Variants in NR6A1 observed in about 807,000 individuals in gnomAD.
NR6A1 encodes the protein retinoic acid receptor-related testis-associated receptor.
Under a neutral mutation model 59.1 loss-of-function variants are expected in NR6A1, and 7 were observed. The observed-to-expected ratio is 0.12, with a 90% CI of 0.07 to 0.22. The LOEUF is 0.22. NR6A1 is among the 10% of genes least tolerant of loss of function. The pLI is 1.00. For synonymous variants in NR6A1, 243 were observed against 236.1 expected, an observed-to-expected ratio of 1.03 and a Z score of -0.27; for missense variants, 468 against 611.6, an observed-to-expected ratio of 0.77 and a Z score of 2.48.
chr9:124,618,769 C>A (rs1198725597), intron 2 of NR6A1, among the ~76,000 whole-genome samples: 11 of 152,324 alleles, frequency 7.2e-5, no homozygotes, highest in Admixed American at 3.3e-4. Flanking sequence ...GATATGCTAA[C>A]TTCTCCCTGG....
At chr9:124,689,720 T>C (rs1003169198) in intron 2 of NR6A1, among the ~76,000 whole-genome samples, 1 of 152,224 alleles carries the variant, frequency 6.6e-6, no homozygotes, top group African/African-American at 2.4e-5. Context: ...GGTTTTCCAT[T>C]GGAATTAGCC....
At chr9:124,588,370 C>T (rs1466423240) in intron 2 of NR6A1, among the ~76,000 whole-genome samples, 1 of 151,370 alleles carries the variant, frequency 6.6e-6, no homozygotes, top group Non-Finnish European at 1.5e-5. Flanking sequence ...TACAGTGGCG[C>T]GATCTCCACT....
At chr9:124,570,332 C>A (rs934202625) in intron 2 of NR6A1, among the ~76,000 whole-genome samples, 1 of 152,150 alleles carries the variant, frequency 6.6e-6, no homozygotes, top group Non-Finnish European at 1.5e-5. Context: ...GTCCTTAAAC[C>A]TTGGCAAAAT....
At chr9:124,526,966 A>G in intron 7 of NR6A1, 66 bp from the exon 8 acceptor site, 4 of 1,594,128 alleles carry the variant, frequency 2.5e-6, no homozygotes, top group Non-Finnish European at 3.4e-6. Flanking sequence ...AAGGGCAGCC[A>G]GAGAGCTCCT....
In NR6A1 at chr9:124,638,108, G is replaced by C. The variant is rs572478168; in HGVS notation, c.143-83538C>G. ...ACAAAAAATTAAAATTTAAAAATTA[G>C]CTGGGTGTGGTGGCTTGTGTACCTG... On this transcript the variant is annotated intron_variant, in intron 2 of 9. Transcript: ENST00000487099. Among the ~76,000 whole-genome samples the C allele has an allele frequency of 7.2e-5, 11 of 151,746 alleles. No homozygotes were observed. The South Asian group carries it at 2.3e-3, about 32-fold the overall frequency.
At chr9:124,721,940 C>T (rs1839575907) in intron 2 of NR6A1, among the ~76,000 whole-genome samples, 1 of 152,168 alleles carries the variant, frequency 6.6e-6, no homozygotes, top group African/African-American at 2.4e-5. Flanking sequence ...CTTCAGGCCT[C>T]ATAGTTCTCA....
intron 3 of NR6A1, 125 bp downstream of exon 3, chr9:124,554,203 T>A: frequency 7.0e-7 from 1 of 1,430,332 alleles, no homozygotes; most frequent in Non-Finnish European, 9.5e-7. Flanking sequence ...TCATTTTTGG[T>A]TATGAGTACA....
Position 124,771,179 on chromosome 9 carries a change from G to T in NR6A1, c.-60C>A, listed in dbSNP as rs1588871897. On this transcript the variant is annotated 5_prime_UTR_variant, in exon 1 of 10. Transcript: ENST00000487099. ...CTCCGCCATGACCGGCGCCCTAGTCGCCGTGGTCGTCGTCCGCCGAGGGGA... is the reference window on the plus strand; with the variant it reads ...CTCCGCCATGACCGGCGCCCTAGTCTCCGTGGTCGTCGTCCGCCGAGGGGA... 1.1e-5 allele frequency: 11 copies of T among 991,130 alleles called. No individual in the cohort carries two copies. The highest frequency in any genetic ancestry group is 1.0e-4 in the African/African-American group (6 of 59,974). 61.4% of individuals were successfully genotyped at this position (991,130 alleles called of 1,614,324 possible). A position where few individuals can be genotyped will look rare whatever the true frequency, so the allele number is the denominator to read the frequency against.
intron 2 of NR6A1, among the ~76,000 whole-genome samples, chr9:124,686,720 T>G (rs914946391): frequency 4.0e-5 from 6 of 151,094 alleles, no homozygotes; most frequent in African/African-American, 7.4e-5. Context: ...TTTTTTTTTT[T>G]TGTGACAGGG....
intron 3 of NR6A1, among the ~76,000 whole-genome samples, chr9:124,551,542 T>C (rs1564175340): frequency 6.6e-6 from 1 of 152,216 alleles, no homozygotes; most frequent in South Asian, 2.1e-4. Context: ...TTTTACAAAC[T>C]AGAGTGCTTT....
chr9:124,754,742 G>A (rs1432216424), intron 1 of NR6A1, among the ~76,000 whole-genome samples: 1 of 152,148 alleles, frequency 6.6e-6, no homozygotes, highest in Non-Finnish European at 1.5e-5. Flanking sequence ...CAATGACTTG[G>A]ATTGTGGTAA....
intron 1 of NR6A1, among the ~76,000 whole-genome samples, chr9:124,751,754 A>G (rs148305018): frequency 2.1e-3 from 324 of 152,358 alleles, no homozygotes; most frequent in African/African-American, 7.3e-3. Flanking sequence ...GACAAAGTAC[A>G]ATAAATTAGA....
chr9:124,528,779 A>C (rs768190043), intron 7 of NR6A1, among the ~76,000 whole-genome samples: 1 of 152,028 alleles, frequency 6.6e-6, no homozygotes, highest in Non-Finnish European at 1.5e-5. Flanking sequence ...GAAAAAAAAC[A>C]ACCTCCCCCA....
intron 2 of NR6A1, among the ~76,000 whole-genome samples, chr9:124,730,444 GTCTCAAACTCCTGA>G: frequency 6.6e-6 from 1 of 151,718 alleles, no homozygotes; most frequent in South Asian, 2.1e-4. Flanking sequence ...GCCCAGGCTG[GTCTCAAACTCCTGA>G]TCCTGGGCTC....
intron 2 of NR6A1, among the ~76,000 whole-genome samples, chr9:124,659,217 CCAGA>C (rs753299582): frequency 3.7e-4 from 56 of 152,098 alleles, no homozygotes; most frequent in Non-Finnish European, 6.9e-4. Context: ...CGAGCCAAAA[CCAGA>C]CAGTCCTGGC....
At chr9:124,647,386 G>C (rs1836959480) in intron 2 of NR6A1, among the ~76,000 whole-genome samples, 1 of 152,068 alleles carries the variant, frequency 6.6e-6, no homozygotes, top group Non-Finnish European at 1.5e-5. Flanking sequence ...CCAATAACTT[G>C]GAAAATCTAA....
In NR6A1 at chr9:124,771,258, G is replaced by C. The variant is rs894877184; in HGVS notation, c.-139C>G. 5 of 433,028 alleles carry C rather than the reference G, an allele frequency of 1.2e-5. No homozygotes were observed. The highest frequency in any genetic ancestry group is 1.0e-4 in the African/African-American group (5 of 48,996). The allele number at this position is 433,028 out of a possible 1,614,324, so 26.8% of individuals were successfully genotyped here. A position where few individuals can be genotyped will look rare whatever the true frequency, so the allele number is the denominator to read the frequency against. The stretch of plus-strand genomic sequence containing the variant: ...GGCCGCGGCTCTCTCTGGGCCCCGA[G>C]CCGCCCGGCTCCGCGCCGCTCCGCG... On this transcript the variant is annotated 5_prime_UTR_variant, in exon 1 of 10. Coordinates refer to ENST00000487099, the MANE Select transcript of NR6A1 (RefSeq NM_033334.4).
At chr9:124,748,696 T>C (rs957492212) in intron 1 of NR6A1, among the ~76,000 whole-genome samples, 6 of 150,260 alleles carry the variant, frequency 4.0e-5, no homozygotes, top group Middle Eastern at 3.5e-3. Context: ...CCGTCTCTAT[T>C]AAAAATACAA....
At position 124,554,570 on chromosome 9, in the gene NR6A1, A is replaced by T; in HGVS notation, c.143T>A (p.Ile48Asn). ...DELAELDPGTISVSDDRAEQR... is the reference protein window; with the variant it reads ...DELAELDPGTNSVSDDRAEQR... ...TTCAGCCCGATCATCTGAAACAGAAACTGATCATGTTCAAGTTAGAACACA... is the reference window on the plus strand; with the variant it reads ...TTCAGCCCGATCATCTGAAACAGAATCTGATCATGTTCAAGTTAGAACACA... Residue 48 changes from isoleucine to asparagine, a missense_variant and splice_region_variant, in exon 3 of 10, where the codon ATT becomes AAT. Transcript: ENST00000487099. 6.2e-7 allele frequency: 1 copy of T among 1,614,160 alleles called. No individual in the cohort carries two copies.
Sources: allele counts gnomAD v4.1 joint callset (sites outside exome capture counted in the v4.1 genomes callset), GRCh38; gene constraint gnomAD v4.1.1; transcripts MANE v1.5; gene names NCBI Gene and HGNC (gene_info 2026-07-23, HGNC 2026-07-21).